The following FBN2 variants were observed in gnomAD, a reference collection of about 807,000 sequenced individuals.
FBN2 encodes fibrillin 2, also known as fibrillin-2.
In FBN2, 105 loss-of-function variants were observed where a neutral mutation model predicts 355.6. That is an observed-to-expected ratio of 0.30 (90% confidence interval 0.25 to 0.35). FBN2 has a LOEUF of 0.35. FBN2 is among the 10% of genes least tolerant of loss of function. FBN2 has a pLI of 1.00. For missense variants in FBN2, 3,280 were observed against 3,758.7 expected, an observed-to-expected ratio of 0.87 and a Z score of 3.33; for synonymous variants, 1,350 against 1,301.2, an observed-to-expected ratio of 1.04 and a Z score of -0.81.
At chr5:128,321,978 C>T (rs554273548) in intron 34 of FBN2, among the ~76,000 whole-genome samples, 6 of 152,200 alleles carry the variant, frequency 3.9e-5, no homozygotes, top group South Asian at 2.1e-4. Context: ...TTTTAATGAT[C>T]GTCATTCTAA....
At chr5:128,370,434 T>C (rs572848049) in intron 15 of FBN2, among the ~76,000 whole-genome samples, 1 of 152,266 alleles carries the variant, frequency 6.6e-6, no homozygotes, top group East Asian at 1.9e-4. Context: ...GATTTATGGC[T>C]GCATTAAAAA....
At chr5:128,396,558 C>T (rs1752655651) in intron 8 of FBN2, among the ~76,000 whole-genome samples, 1 of 152,134 alleles carries the variant, frequency 6.6e-6, no homozygotes. Flanking sequence ...TCAAATATGA[C>T]TGTAATAGAG....
intron 33 of FBN2, among the ~76,000 whole-genome samples, chr5:128,329,771 A>T (rs1750644256): frequency 6.6e-6 from 1 of 152,236 alleles, no homozygotes; most frequent in African/African-American, 2.4e-5. Flanking sequence ...ATTTGAAAAA[A>T]ATTTAGGCTA....
intron 5 of FBN2, among the ~76,000 whole-genome samples, chr5:128,510,914 T>C (rs1756110970): frequency 6.6e-6 from 1 of 152,186 alleles, no homozygotes; most frequent in African/African-American, 2.4e-5. Flanking sequence ...ACCACCAGTG[T>C]TCCAATCCTA....
intron 2 of FBN2, among the ~76,000 whole-genome samples, chr5:128,533,207 T>G (rs1756751438): frequency 6.6e-6 from 1 of 152,186 alleles, no homozygotes; most frequent in African/African-American, 2.4e-5. Context: ...ATTAAAACAT[T>G]GTTTTATTTC....
chr5:128,405,285 C>T (rs1217063753), intron 8 of FBN2, among the ~76,000 whole-genome samples: 5 of 152,138 alleles, frequency 3.3e-5, no homozygotes, highest in Admixed American at 1.3e-4. Context: ...CAAGATGCTT[C>T]GGGCAGAGGG....
At chr5:128,403,015 T>G (rs1217126849) in intron 8 of FBN2, among the ~76,000 whole-genome samples, 1 of 152,192 alleles carries the variant, frequency 6.6e-6, no homozygotes, top group Non-Finnish European at 1.5e-5. Flanking sequence ...CTTTCTTAAT[T>G]AAAACTGATA....
At position 128,446,586 on chromosome 5, in the gene FBN2, T is replaced by C. The variant is rs762033123; in HGVS notation, c.847A>G (p.Ile283Val). Residue 283 changes from isoleucine (I) to valine (V), a missense_variant, in exon 7 of 65, where the codon ATC (isoleucine) becomes GTC (valine). By Grantham distance (29) the Ile-to-Val change is conservative (BLOSUM62 3). Coordinates refer to ENST00000262464, the MANE Select transcript of FBN2 (RefSeq NM_001999.4). ...TTTCCTCCTTGGCATATCCCTGGGA[T>C]AGCCTGGCATTCATCAACATCTGCA... is the stretch of plus-strand genomic sequence containing the variant. ...ACQDVDECQA[I>V]PGICQGGNCI... 2 of 1,613,836 alleles carry C rather than the reference T, an allele frequency of 1.2e-6. No homozygotes were observed. Among genetic ancestry groups the C allele is most frequent in the Non-Finnish European group, 1.7e-6 (2 of 1,179,794 alleles).
At chr5:128,469,142 G>C (rs969103202) in intron 5 of FBN2, among the ~76,000 whole-genome samples, 7 of 152,172 alleles carry the variant, frequency 4.6e-5, no homozygotes, top group African/African-American at 1.7e-4. Context: ...AAGAAAGTGA[G>C]AGAAGAGAGC....
At chr5:128,506,481 G>A (rs1755965630) in intron 5 of FBN2, among the ~76,000 whole-genome samples, 2 of 152,048 alleles carry the variant, frequency 1.3e-5, no homozygotes, top group Admixed American at 6.6e-5. Context: ...TGTTAGATAT[G>A]GAAATGCAAC....
At chr5:128,447,674 G>C (rs1024945239) in intron 6 of FBN2, among the ~76,000 whole-genome samples, 4 of 152,156 alleles carry the variant, frequency 2.6e-5, no homozygotes, top group African/African-American at 9.7e-5. Flanking sequence ...TGAAGCATGT[G>C]ATCTCTGTGA....
At chr5:128,397,462 C>T (rs1375975434) in intron 8 of FBN2, among the ~76,000 whole-genome samples, 1 of 152,082 alleles carries the variant, frequency 6.6e-6, no homozygotes, top group East Asian at 1.9e-4. Context: ...AAAACAAAAC[C>T]ATAGCCTTGA....
chr5:128,371,547 G>A (rs1216908232), intron 15 of FBN2, among the ~76,000 whole-genome samples: 1 of 77,866 alleles, frequency 1.3e-5, no homozygotes, highest in Non-Finnish European at 2.4e-5. Flanking sequence ...GTTTTTTTTT[G>A]AGATGGAGTC....
chr5:128,368,406 ATG>A (rs567559304), intron 16 of FBN2, among the ~76,000 whole-genome samples: 1,515 of 138,750 alleles, frequency 0.011, 22 homozygotes, highest in Non-Finnish European at 0.015. Context: ...CTTCATATAT[ATG>A]TGTGTGTGTG....
chr5:128,276,962 C>T (rs1765409401), intron 58 of FBN2, among the ~76,000 whole-genome samples: 1 of 152,174 alleles, frequency 6.6e-6, no homozygotes, highest in South Asian at 2.1e-4. Context: ...CCATCTCTTT[C>T]CTACTCGGAC....
chr5:128,494,449 G>A lies in FBN2; in HGVS notation c.628+24824C>T, dbSNP rs147206154. ...GCTAAGAAGTCTTTTTGGAGTCAGA[G>A]GCTCAAAGGCTGGCCCCAAAAATTT... On this transcript the variant is annotated intron_variant, in intron 5 of 64. Transcript: ENST00000262464. 2.0e-5 allele frequency among the ~76,000 whole-genome samples: 3 copies of A among 152,274 alleles called. No individual in the cohort carries two copies. In the East Asian group the frequency reaches 5.8e-4, roughly 29 times the overall value.
rs1751302925 is a variant in FBN2 at position 128,349,949 on chromosome 5, A to G, written c.2863+6T>C. 1 of 1,606,972 alleles carries G rather than the reference A, an allele frequency of 6.2e-7. No homozygotes were observed. The highest frequency in any genetic ancestry group is 8.5e-7 in the Non-Finnish European group (1 of 1,173,324). ...TATAGTATCTTCCAAGGAAGGATAC[A>G]CTCACCTTCACACGTAACACCTTTA... On this transcript the variant is annotated splice_donor_region_variant and intron_variant, in intron 22 of 64. Transcript: ENST00000262464.
At chr5:128,469,278 G>A (rs1425394714) in intron 5 of FBN2, among the ~76,000 whole-genome samples, 1 of 152,162 alleles carries the variant, frequency 6.6e-6, no homozygotes, top group Non-Finnish European at 1.5e-5. Flanking sequence ...GGTAGTGTGT[G>A]GCTCATGTAA....
chr5:128,492,680 G>A (rs1256763247), intron 5 of FBN2, among the ~76,000 whole-genome samples: 1 of 151,884 alleles, frequency 6.6e-6, no homozygotes, highest in Non-Finnish European at 1.5e-5. Context: ...GCAGGCACCT[G>A]TAATCCCAGC....
Sources: allele counts gnomAD v4.1 joint callset (sites outside exome capture counted in the v4.1 genomes callset), GRCh38; gene constraint gnomAD v4.1.1; transcripts MANE v1.5; gene names NCBI Gene and HGNC (gene_info 2026-07-23, HGNC 2026-07-21).